FCGR1A: variants seen among roughly 807,000 people sequenced by gnomAD.
FCGR1A encodes high affinity immunoglobulin gamma Fc receptor I.
A neutral mutation model predicts 35.0 loss-of-function variants in FCGR1A; 13 were observed. The ratio of observed to expected loss-of-function variants is 0.37; its 90% CI spans 0.24 to 0.59. The LOEUF is 0.59. Ranked by LOEUF, FCGR1A falls within the 20% of genes least tolerant of loss-of-function variation. FCGR1A has a pLI of 0.71. For missense variants in FCGR1A, 227 were observed against 430.0 expected (o/e 0.53, Z 4.17); for synonymous variants, 91 against 164.7 (o/e 0.55, Z 3.43).
chr1:149,799,598 TG>T, the FCGR1A span, among the ~76,000 whole-genome samples: 64 of 152,342 alleles, frequency 4.2e-4, no homozygotes, highest in East Asian at 8.9e-3. Flanking sequence ...AATTGTGCAG[TG>T]CACAATCAGC....
chr1:149,789,230 G>A (rs1553751324), intron 4 of FCGR1A, among the ~76,000 whole-genome samples: 1 of 151,730 alleles, frequency 6.6e-6, no homozygotes, highest in African/African-American at 2.4e-5. Context: ...TTTAAAGTCA[G>A]GAACAAAAAT....
At position 149,784,148 on chromosome 1, in the gene FCGR1A, G is replaced by T; in HGVS notation, c.198G>T (p.Ser66=). ...TCAATGGCACAGCCACTCAGACCTC[G>T]ACCCCCAGCTACAGAATCACCTCTG... ...WFLNGTATQT[S]TPSYRITSAS... is the part of the protein sequence containing the mutation. Residue 66 remains serine (S), a synonymous_variant, in exon 3 of 6, where the codon TCG becomes TCT. Coordinates refer to ENST00000369168, the MANE Select transcript of FCGR1A (RefSeq NM_000566.4). 3.1e-6 allele frequency: 5 copies of T among 1,611,584 alleles called. No individual in the cohort carries two copies. In the South Asian group the frequency reaches 3.3e-5, roughly 11 times the overall value.
chr1:149,786,910 A>G (rs1348394627), intron 3 of FCGR1A: 1 of 152,064 alleles, frequency 6.6e-6, no homozygotes, highest in Non-Finnish European at 1.5e-5. Context: ...TTTGTGGCCT[A>G]GTTCACACTT....
intron 3 of FCGR1A, 136 bp from the exon 4 acceptor site, chr1:149,788,230 G>C: frequency 6.3e-7 from 1 of 1,596,450 alleles, no homozygotes; most frequent in South Asian, 1.1e-5. Context: ...TGAGGAACTG[G>C]ATATAGGCCT....
chr1:149,785,824 C>T (rs1282539390), intron 3 of FCGR1A: 4 of 152,074 alleles, frequency 2.6e-5, no homozygotes, highest in Non-Finnish European at 5.9e-5. Flanking sequence ...TTCTAGTCCA[C>T]CCCTGACACT....
Position 149,790,001 on chromosome 1 carries a change from A to G in FCGR1A, c.560-53A>G, listed in dbSNP as rs1405483808. 5 of 1,613,076 alleles carry G rather than the reference A, an allele frequency of 3.1e-6. No individual in the cohort carries two copies. In the East Asian group the frequency reaches 1.1e-4, roughly 36 times the overall value. On this transcript the variant is annotated intron_variant, in intron 4 of 5. Transcript: ENST00000369168. ...GGGTAAAGGGCATGTCTTTTGTGAA[A>G]AGGACCTGGATGCTAAACAGGCAAC...
intron 3 of FCGR1A, 114 bp downstream of exon 3, chr1:149,784,371 C>G: frequency 4.4e-6 from 7 of 1,602,808 alleles, no homozygotes; most frequent in Non-Finnish European, 6.0e-6. Context: ...GGTCTCAGCA[C>G]TATGTACCTA....
the FCGR1A span, among the ~76,000 whole-genome samples, chr1:149,797,714 C>T: frequency 2.0e-5 from 3 of 152,158 alleles, no homozygotes; most frequent in Non-Finnish European, 4.4e-5. Flanking sequence ...CCTCCTGCCT[C>T]GGCCTCCCTA....
Position 149,791,297 on chromosome 1 carries a change from T to G in FCGR1A, c.905T>G (p.Met302Arg). 1 of 1,602,782 alleles carries G rather than the reference T, an allele frequency of 6.2e-7. No homozygotes were observed. The highest frequency in any genetic ancestry group is 8.5e-7 in the Non-Finnish European group (1 of 1,175,982). ...HVLFYLAVGI[M>R]FLVNTVLWVT... The stretch of plus-strand genomic sequence containing the variant: ...CTTTTCTATCTGGCAGTGGGAATAA[T>G]GTTTTTAGTGAACACTGTTCTCTGG... Residue 302 changes from methionine (M) to arginine (R), a missense_variant, in exon 6 of 6, where the codon ATG (methionine) becomes AGG (arginine). By Grantham distance (91) the Met-to-Arg change is moderately conservative. Around this residue, in one of 3 missense-constraint regions of FCGR1A, gnomAD observed 39 missense variants for 101.3 expected, o/e 0.38. Coordinates refer to ENST00000369168, the MANE Select transcript of FCGR1A (RefSeq NM_000566.4).
chr1:149,789,126 C>T (rs1317964815), intron 4 of FCGR1A, among the ~76,000 whole-genome samples: 1 of 151,496 alleles, frequency 6.6e-6, no homozygotes, highest in East Asian at 1.9e-4. Context: ...CTTTCACGGC[C>T]TTTCCTCTTA....
At chr1:149,796,646 C>T (rs1386689419), downstream of FCGR1A, among the ~76,000 whole-genome samples, 1 of 152,204 alleles carries the variant, frequency 6.6e-6, no homozygotes, top group Non-Finnish European at 1.5e-5. Context: ...CTTGGTCCTG[C>T]ACTTAAGTAG....
In FCGR1A at chr1:149,784,254, A is replaced by G. The variant is rs781836297; in HGVS notation, c.304A>G (p.Arg102Gly). 3 of 1,611,134 alleles carry G rather than the reference A, an allele frequency of 1.9e-6. No homozygotes were observed. The highest frequency in any genetic ancestry group is 2.5e-6 in the Non-Finnish European group (3 of 1,179,820). Residue 102 changes from arginine to glycine, a missense_variant, in exon 3 of 6, where the codon AGA (arginine) becomes GGA (glycine). Arg to Gly is a moderately radical substitution (Grantham distance 125). Coordinates refer to ENST00000369168, the MANE Select transcript of FCGR1A (RefSeq NM_000566.4). Reference sequence around the variant, plus strand: ...TGACCCCATACAGCTGGAAATCCACAGAGGTAATTATGACTTGGACCAGGA... The same window carrying G: ...TGACCCCATACAGCTGGAAATCCACGGAGGTAATTATGACTTGGACCAGGA... Reference protein sequence around the residue: ...RSDPIQLEIHRGWLLLQVSSR... With the variant: ...RSDPIQLEIHGGWLLLQVSSR...
downstream of FCGR1A, among the ~76,000 whole-genome samples, chr1:149,794,282 G>A (rs587759671): frequency 5.9e-4 from 90 of 151,750 alleles, no homozygotes; most frequent in African/African-American, 2.1e-3. Context: ...GGGGGAACAC[G>A]TAGATTTTGG....
intron 3 of FCGR1A, among the ~76,000 whole-genome samples, chr1:149,784,665 A>G (rs2091492144): frequency 2.0e-5 from 3 of 146,886 alleles, no homozygotes; most frequent in African/African-American, 7.5e-5. Context: ...CATATTATGC[A>G]TATATATGTA....
downstream of FCGR1A, chr1:149,792,979 C>T (rs782767619): frequency 4.7e-6 from 6 of 1,276,172 alleles, no homozygotes; most frequent in East Asian, 2.3e-4. Context: ...TGCGAGGGCC[C>T]GCGGCCTCCC....
chr1:149,787,360 A>G (rs1454004602), intron 3 of FCGR1A: 4 of 152,244 alleles, frequency 2.6e-5, no homozygotes, highest in African/African-American at 9.6e-5. Flanking sequence ...CTCTGGAGAA[A>G]AGAAAAGTAG....
chr1:149,790,373 A>G, intron 5 of FCGR1A, 35 bp downstream of exon 5: 1 of 1,565,882 alleles, frequency 6.4e-7, no homozygotes, highest in Non-Finnish European at 8.7e-7. Flanking sequence ...CTGGCACAGA[A>G]GAAGGGACTC....
At position 149,790,104 on chromosome 1, in the gene FCGR1A, G is replaced by A; in HGVS notation, c.610G>A (p.Glu204Lys). 6.2e-7 allele frequency: 1 copy of A among 1,613,876 alleles called. No homozygotes were observed. Among genetic ancestry groups the A allele is most frequent in the Non-Finnish European group, 8.5e-7 (1 of 1,179,874 alleles). Residue 204 changes from glutamate (E) to lysine (K), a missense_variant, in exon 5 of 6, where the codon GAG becomes AAG. Transcript: ENST00000369168. ...TGCATCTGTGACATCCCCACTCCTG[G>A]AGGGGAATCTGGTCACCCTGAGCTG... ...LNASVTSPLL[E>K]GNLVTLSCET...
chr1:149,789,313 A>G (rs1295737112), intron 4 of FCGR1A, among the ~76,000 whole-genome samples: 4 of 152,284 alleles, frequency 2.6e-5, no homozygotes, highest in African/African-American at 9.6e-5. Context: ...GAATAGCATG[A>G]ACCCGGGAAG....
Sources: allele counts gnomAD v4.1 joint callset (sites outside exome capture counted in the v4.1 genomes callset), GRCh38; gene constraint gnomAD v4.1.1; regional missense constraint gnomAD v4.1.1; transcripts MANE v1.5; gene names NCBI Gene and HGNC (gene_info 2026-07-23, HGNC 2026-07-21).